Variants in OXR1 observed in about 807,000 individuals in gnomAD.
OXR1 encodes oxidation resistance 1.
OXR1 carries 41 observed loss-of-function variants against 104.6 expected under a neutral mutation model. The observed-to-expected ratio is 0.39, with a 90% CI of 0.31 to 0.51. The LOEUF (loss-of-function observed/expected upper bound fraction) is 0.51, where lower values mean the gene tolerates loss of function less well. Among genes scored for constraint, OXR1 ranks in the 20% least tolerant of loss-of-function variants. The pLI, the probability that OXR1 is intolerant of heterozygous loss-of-function variation, is 0.77. For missense variants in OXR1, 955 were observed against 1,031.9 expected (o/e 0.93, Z 1.02); for synonymous variants, 348 against 348.4 (o/e 1.00, Z 0.01).
chr8:106,711,924 A>G (rs1388395125), intron 10 of OXR1, among the ~76,000 whole-genome samples: 3 of 152,170 alleles, frequency 2.0e-5, no homozygotes, highest in African/African-American at 7.2e-5. Flanking sequence ...ACTTGAAAAG[A>G]TACTGCTGAG....
chr8:106,501,543 G>A (rs1811810489), intron 2 of OXR1, among the ~76,000 whole-genome samples: 1 of 152,308 alleles, frequency 6.6e-6, no homozygotes, highest in African/African-American at 2.4e-5. Flanking sequence ...AGGAAAGAGT[G>A]GAAGCAGGAG....
At chr8:106,681,694 T>C (rs535721740) in intron 4 of OXR1, among the ~76,000 whole-genome samples, 1 of 152,076 alleles carries the variant, frequency 6.6e-6, no homozygotes, top group East Asian at 1.9e-4. Flanking sequence ...CCAGCTAATT[T>C]TTGTATTTTT....
chr8:106,505,805 A>G lies in OXR1; in HGVS notation c.24-13138A>G, dbSNP rs958778926. The stretch of plus-strand genomic sequence containing the variant: ...AGTGGCCCAAGACTATCAGGGCACT[A>G]TGGACCATTGAAAGATGCTTAGAAA... On this transcript the variant is annotated intron_variant, in intron 2 of 16. Transcript: ENST00000517566. 5.9e-5 allele frequency among the ~76,000 whole-genome samples: 9 copies of G among 152,258 alleles called. No individual in the cohort carries two copies. The South Asian group carries it at 8.3e-4, about 14-fold the overall frequency.
intron 3 of OXR1, among the ~76,000 whole-genome samples, chr8:106,576,419 A>G (rs1817835438): frequency 6.6e-6 from 1 of 150,636 alleles, no homozygotes; most frequent in Non-Finnish European, 1.5e-5. Flanking sequence ...ATTACTAACA[A>G]ATAGAATTAT....
At chr8:106,677,168 G>A (rs1231498167) in intron 3 of OXR1, among the ~76,000 whole-genome samples, 2 of 68,240 alleles carry the variant, frequency 2.9e-5, no homozygotes, top group Non-Finnish European at 5.9e-5. Flanking sequence ...TGCATTGCTT[G>A]AGAAGTTTAA....
chr8:106,614,024 A>G (rs1167328091), intron 3 of OXR1, among the ~76,000 whole-genome samples: 1 of 152,226 alleles, frequency 6.6e-6, no homozygotes, highest in Non-Finnish European at 1.5e-5. Context: ...TGTACACACT[A>G]CAAGTGAAAT....
intron 2 of OXR1, among the ~76,000 whole-genome samples, chr8:106,441,052 G>T (rs1031845980): frequency 2.0e-5 from 3 of 152,004 alleles, no homozygotes; most frequent in Admixed American, 1.3e-4. Context: ...ATGGTTTTGT[G>T]TTTTACATTT....
chr8:106,711,183 A>G (rs535563151), intron 10 of OXR1, among the ~76,000 whole-genome samples: 7 of 152,226 alleles, frequency 4.6e-5, no homozygotes, highest in Non-Finnish European at 8.8e-5. Context: ...ATTAGCTACT[A>G]AAAGGATGTA....
chr8:106,585,531 T>C (rs951619917), intron 3 of OXR1, among the ~76,000 whole-genome samples: 14 of 152,188 alleles, frequency 9.2e-5, no homozygotes, highest in Non-Finnish European at 2.1e-4. Flanking sequence ...TATAGTAATT[T>C]AATTCAGTTC....
chr8:106,540,225 A>G (rs1387956164), intron 3 of OXR1, among the ~76,000 whole-genome samples: 1 of 152,164 alleles, frequency 6.6e-6, no homozygotes, highest in African/African-American at 2.4e-5. Flanking sequence ...ACAGAGATAC[A>G]TGTTAACAGT....
intron 3 of OXR1, among the ~76,000 whole-genome samples, chr8:106,632,800 A>G (rs1822802443): frequency 6.6e-6 from 1 of 152,194 alleles, no homozygotes; most frequent in Non-Finnish European, 1.5e-5. Context: ...TTAGCTGGAC[A>G]TAGTGGTGCA....
chr8:106,732,613 A>G (rs1390714491), intron 11 of OXR1, among the ~76,000 whole-genome samples: 1 of 151,932 alleles, frequency 6.6e-6, no homozygotes, highest in East Asian at 1.9e-4. Context: ...TGACTAGTGC[A>G]TTTTTTGTAT....
chr8:106,374,626 A>G (rs995504158), intron 2 of OXR1, among the ~76,000 whole-genome samples: 5 of 152,228 alleles, frequency 3.3e-5, no homozygotes, highest in Non-Finnish European at 5.9e-5. Flanking sequence ...GGTTGAATTC[A>G]AGTGAACATT....
At chr8:106,577,918 A>C (rs1817971580) in intron 3 of OXR1, among the ~76,000 whole-genome samples, 1 of 152,274 alleles carries the variant, frequency 6.6e-6, no homozygotes, top group African/African-American at 2.4e-5. Context: ...TTCCAGCAGC[A>C]ACTACTGAAT....
At chr8:106,479,603 C>T (rs1029276869) in intron 2 of OXR1, among the ~76,000 whole-genome samples, 1 of 151,962 alleles carries the variant, frequency 6.6e-6, no homozygotes, top group Non-Finnish European at 1.5e-5. Context: ...CATGACATTG[C>T]TTTCTTTGCA....
chr8:106,639,374 T>A (rs1314745133), intron 3 of OXR1, among the ~76,000 whole-genome samples: 3 of 152,200 alleles, frequency 2.0e-5, no homozygotes, highest in Admixed American at 6.5e-5. Flanking sequence ...AACAATGGCC[T>A]TCTGTAAATT....
chr8:106,660,480 G>A (rs1280570570), intron 3 of OXR1, among the ~76,000 whole-genome samples: 1 of 152,112 alleles, frequency 6.6e-6, no homozygotes, highest in Non-Finnish European at 1.5e-5. Flanking sequence ...AGTATTTCTT[G>A]TTACAGATAC....
intron 3 of OXR1, among the ~76,000 whole-genome samples, chr8:106,530,404 C>G (rs1275640591): frequency 6.6e-6 from 1 of 152,106 alleles, no homozygotes; most frequent in Non-Finnish European, 1.5e-5. Flanking sequence ...CGCAAGTCAG[C>G]CTTCTGCCTC....
rs200842045 is a variant in OXR1 at position 106,319,164 on chromosome 8, T to C, written c.-138-40312T>C. 3.9e-5 allele frequency among the ~76,000 whole-genome samples: 6 copies of C among 152,342 alleles called. No individual in the cohort carries two copies. In the East Asian group the frequency reaches 9.6e-4, roughly 24 times the overall value. On this transcript the variant is annotated intron_variant, in intron 1 of 16. Coordinates refer to ENST00000517566, the MANE Select transcript of OXR1 (RefSeq NM_001198533.2). ...TCAAACTGATTGCTTCATGGGTTCT[T>C]ATTTCCATGAGATCTTCTAGCAGAA...
Sources: gnomAD v4.1 joint callset for allele counts (sites outside exome capture counted in the v4.1 genomes callset) on GRCh38, gnomAD v4.1.1 for gene constraint, MANE v1.5 for transcripts, NCBI Gene and HGNC (gene_info 2026-07-23, HGNC 2026-07-21) for gene names.